The following RB1 variants were observed in gnomAD, a reference collection of about 807,000 sequenced individuals.
The protein encoded by RB1 is retinoblastoma-associated protein.
Under a neutral mutation model 135.4 loss-of-function variants are expected in RB1, and 18 were observed. The observed-to-expected ratio is 0.13, with a 90% CI of 0.09 to 0.20. The LOEUF (loss-of-function observed/expected upper bound fraction) is 0.20. RB1 is among the 10% of genes least tolerant of loss of function. RB1 has a pLI of 1.00. For missense variants in RB1, 868 were observed against 1,110.0 expected (o/e 0.78, Z 3.10); for synonymous variants, 365 against 373.2 (o/e 0.98, Z 0.25).
chr13:48,479,760 T>C (rs1022819526), intron 26 of RB1, among the ~76,000 whole-genome samples: 1 of 152,144 alleles, frequency 6.6e-6, no homozygotes, highest in Non-Finnish European at 1.5e-5. Context: ...GTTATTGGGA[T>C]ATATATCACC....
chr13:48,304,095 G>T, intron 1 of RB1, 46 bp downstream of exon 1: 1 of 1,372,640 alleles, frequency 7.3e-7, no homozygotes, highest in African/African-American at 1.5e-5. Flanking sequence ...AGGGCGCCCC[G>T]GGTGTGCGTA....
chr13:48,362,068 C>T (rs915067417), intron 7 of RB1, among the ~76,000 whole-genome samples: 19 of 151,910 alleles, frequency 1.3e-4, no homozygotes, highest in Admixed American at 4.6e-4. Context: ...CTGCTTCAGC[C>T]TCCCGAGTAG....
At chr13:48,459,886 A>ATTTCTTTCTTTCTT (rs11405303) in intron 20 of RB1, 53 bp downstream of exon 20, 1 of 987,274 alleles carries the variant, frequency 1.0e-6, no homozygotes, top group East Asian at 3.7e-5. Flanking sequence ...TTGTTAACTG[A>ATTTCTTTCTTTCTT]TTCTTTCTTT....
At chr13:48,461,865 C>G (rs1046577676) in intron 20 of RB1, among the ~76,000 whole-genome samples, 9 of 152,154 alleles carry the variant, frequency 5.9e-5, no homozygotes, top group African/African-American at 2.2e-4. Flanking sequence ...CGGAGTCTTG[C>G]TCTGTCGCCC....
chr13:48,465,410 G>C (rs1375661231), intron 23 of RB1, 42 bp downstream of exon 23: 1 of 1,511,760 alleles, frequency 6.6e-7, no homozygotes, highest in African/African-American at 1.4e-5. Context: ...GAATGAGAGG[G>C]GGATTATTTT....
chr13:48,434,025 C>T (rs1438937256), intron 17 of RB1, among the ~76,000 whole-genome samples: 1 of 151,698 alleles, frequency 6.6e-6, no homozygotes, highest in Admixed American at 6.6e-5. Flanking sequence ...TGCCTGGCCT[C>T]AATATTTATT....
intron 17 of RB1, among the ~76,000 whole-genome samples, chr13:48,406,923 T>C (rs985284273): frequency 3.7e-4 from 56 of 152,178 alleles, no homozygotes; most frequent in Admixed American, 3.7e-3. Flanking sequence ...ACAGGGTTCT[T>C]ACCCTGGCGC....
intron 11 of RB1, among the ~76,000 whole-genome samples, chr13:48,372,413 T>C (rs2138129084): frequency 6.6e-6 from 1 of 152,226 alleles, no homozygotes; most frequent in Admixed American, 6.5e-5. Flanking sequence ...GTAATCCCAC[T>C]TTGGGAGGCC....
rs1239343114 is a variant in RB1, at chr13:48,303,869, G to A, written c.-44G>A. 2 of 1,506,820 alleles carry A rather than the reference G, an allele frequency of 1.3e-6. No individual in the cohort carries two copies. The highest frequency in any genetic ancestry group is 1.4e-5 in the African/African-American group (1 of 69,010). The allele number at this position is 1,506,820 out of a possible 1,614,324, so 93.3% of individuals were successfully genotyped here. ...GACGTGCGCGCGCGTCGTCCTCCCCGGCGCTCCTCCACAGCTCGCTGGCTC... is the reference window on the plus strand; with the variant it reads ...GACGTGCGCGCGCGTCGTCCTCCCCAGCGCTCCTCCACAGCTCGCTGGCTC... On this transcript the variant is annotated 5_prime_UTR_variant, in exon 1 of 27. Coordinates refer to ENST00000267163, the MANE Select transcript of RB1 (RefSeq NM_000321.3).
intron 17 of RB1, among the ~76,000 whole-genome samples, chr13:48,436,336 AATATAG>A (rs1406241456): frequency 2.0e-5 from 3 of 152,314 alleles, no homozygotes; most frequent in Admixed American, 1.3e-4. Context: ...ACTTAGGAAT[AATATAG>A]ATATAGTTAA....
intron 18 of RB1, among the ~76,000 whole-genome samples, chr13:48,455,405 T>A (rs1949353938): frequency 6.6e-6 from 1 of 152,224 alleles, no homozygotes. Flanking sequence ...GTGAACTGAA[T>A]GAAAATCCAA....
At position 48,459,715 on chromosome 13, in the gene RB1, A is replaced by G. The variant is rs1007286459; in HGVS notation, c.1988A>G (p.Asn663Ser). ...TATCGGCTAGCCTATCTCCGGCTAA[A>G]TACACTTTGTGAACGCCTTCTGTCT... ...KVYRLAYLRL[N>S]TLCERLLSEH... Residue 663 changes from asparagine to serine, a missense_variant, in exon 20 of 27, where the codon AAT (asparagine) becomes AGT (serine). Physicochemically the swap from Asn to Ser is conservative, Grantham distance 46. Coordinates refer to ENST00000267163, the MANE Select transcript of RB1 (RefSeq NM_000321.3). 5.0e-6 allele frequency: 8 copies of G among 1,613,950 alleles called. No individual in the cohort carries two copies. The highest frequency in any genetic ancestry group is 6.8e-6 in the Non-Finnish European group (8 of 1,180,020).
intron 17 of RB1, chr13:48,391,620 A>G (rs1328010771): frequency 1.3e-5 from 2 of 148,996 alleles, no homozygotes; most frequent in South Asian, 4.3e-4. Flanking sequence ...AAGCATTTCT[A>G]TTTTTTTTTT....
At chr13:48,364,560 C>T (rs2138115595) in intron 8 of RB1, among the ~76,000 whole-genome samples, 1 of 152,176 alleles carries the variant, frequency 6.6e-6, no homozygotes, top group African/African-American at 2.4e-5. Flanking sequence ...TTCCAGTCAA[C>T]AGTAGGCTGT....
At chr13:48,333,813 C>G (rs1208442217) in intron 2 of RB1, among the ~76,000 whole-genome samples, 1 of 150,742 alleles carries the variant, frequency 6.6e-6, no homozygotes, top group African/African-American at 2.4e-5. Context: ...TAGAACTACG[C>G]TAGTGTTAGT....
At chr13:48,308,302 A>G (rs1206846067) in intron 2 of RB1, among the ~76,000 whole-genome samples, 1 of 151,294 alleles carries the variant, frequency 6.6e-6, no homozygotes, top group African/African-American at 2.4e-5. Context: ...GTAAGCCAAG[A>G]TCGCACCACT....
intron 23 of RB1, 119 bp downstream of exon 23, chr13:48,465,487 G>T (rs1949434899): frequency 9.2e-7 from 1 of 1,087,258 alleles, no homozygotes. Context: ...AACTCTATTT[G>T]CTTATTTAAG....
chr13:48,333,171 G>A (rs115024336), intron 2 of RB1: 5,204 of 396,058 alleles, frequency 0.013, 57 homozygotes, highest in African/African-American at 0.039. Flanking sequence ...AAACTTTTTC[G>A]TTTGTCAATT....
At chr13:48,378,851 T>C (rs1245951685) in intron 13 of RB1, among the ~76,000 whole-genome samples, 2 of 152,214 alleles carry the variant, frequency 1.3e-5, no homozygotes, top group Non-Finnish European at 2.9e-5. Flanking sequence ...TACTGTTAGA[T>C]ATGCAGTCAG....
Sources: gnomAD v4.1 joint callset for allele counts (sites outside exome capture counted in the v4.1 genomes callset) on GRCh38, gnomAD v4.1.1 for gene constraint, MANE v1.5 for transcripts, NCBI Gene and HGNC (gene_info 2026-07-23, HGNC 2026-07-21) for gene names.